Variants in ZNF618 observed in about 807,000 individuals in gnomAD.
ZNF618 encodes zinc finger protein 618.
In ZNF618, 34 loss-of-function variants were observed where a neutral mutation model predicts 103.0. That is an observed-to-expected ratio of 0.33 (90% CI 0.25 to 0.44). The LOEUF is 0.44. Ranked by LOEUF, ZNF618 falls within the 20% of genes least tolerant of loss-of-function variation. ZNF618 has a pLI of 1.00. For missense variants in ZNF618, 1,059 were observed against 1,295.4 expected, an observed-to-expected ratio of 0.82 and a Z score of 2.80; for synonymous variants, 551 against 542.2, an observed-to-expected ratio of 1.02 and a Z score of -0.23.
At chr9:113,922,807 C>T (rs1832766728) in intron 1 of ZNF618, among the ~76,000 whole-genome samples, 1 of 152,154 alleles carries the variant, frequency 6.6e-6, no homozygotes, top group Non-Finnish European at 1.5e-5. Flanking sequence ...TCAGTATATA[C>T]ACTTTAGAAT....
chr9:113,998,400 G>T (rs1840845625), intron 4 of ZNF618, 46 bp downstream of exon 4: 3 of 1,497,066 alleles, frequency 2.0e-6, no homozygotes, highest in African/African-American at 2.8e-5. Context: ...GCCAGTATGG[G>T]TGGGGGCACA....
intron 1 of ZNF618, among the ~76,000 whole-genome samples, chr9:113,877,260 A>G (rs755421204): frequency 5.3e-5 from 8 of 152,098 alleles, no homozygotes; most frequent in Non-Finnish European, 1.2e-4. Flanking sequence ...TTGGGTACCC[A>G]ACTCATTTTA....
intron 7 of ZNF618, among the ~76,000 whole-genome samples, chr9:114,008,011 A>G (rs978809854): frequency 1.3e-5 from 2 of 152,006 alleles, no homozygotes; most frequent in African/African-American, 2.4e-5. Flanking sequence ...TCTCCTCCCA[A>G]TCTCTTCCTC....
rs1839704723 is a variant in ZNF618, at chr9:113,988,476, G to A, written c.233G>A (p.Gly78Asp). 3.7e-6 allele frequency: 6 copies of A among 1,613,494 alleles called. No homozygotes were observed. In the Admixed American group the frequency reaches 1.0e-4, roughly 27 times the overall value. ...DDYIQEVIWQ[G>D]EAKEEKKAVS... is the part of the protein sequence containing the mutation. ...TACATCCAGGAGGTGATCTGGCAGG[G>A]CGAGGCCAAGGAGGAGAAGAAGGCG... The change falls in exon 3 of 15, where the codon GGC (glycine) becomes GAC (aspartate). Residue 78 changes from glycine to aspartate, a missense_variant. Physicochemically the swap from Gly to Asp is moderately conservative, Grantham distance 94. Transcript: ENST00000374126.
intron 9 of ZNF618, among the ~76,000 whole-genome samples, chr9:114,010,305 A>G (rs1842122612): frequency 6.7e-6 from 1 of 149,422 alleles, no homozygotes; most frequent in African/African-American, 2.4e-5. Flanking sequence ...CTGTCTCAAA[A>G]AAAAAAAAAA....
At chr9:114,016,050 G>T in intron 9 of ZNF618, 1 of 1,488,954 alleles carries the variant, frequency 6.7e-7, no homozygotes, top group South Asian at 1.2e-5. Context: ...ACAGATGATT[G>T]AAATTTCTCT....
At chr9:114,020,822 C>G (rs1020747737) in intron 10 of ZNF618, among the ~76,000 whole-genome samples, 1 of 151,892 alleles carries the variant, frequency 6.6e-6, no homozygotes, top group African/African-American at 2.4e-5. Context: ...TTAGGTCCCT[C>G]CAGTACAATG....
At chr9:113,877,696 T>C (rs947661385) in intron 1 of ZNF618, among the ~76,000 whole-genome samples, 4 of 152,066 alleles carry the variant, frequency 2.6e-5, no homozygotes, top group African/African-American at 9.7e-5. Flanking sequence ...ATTAAGACTG[T>C]TTTCTGATTT....
chr9:114,007,253 A>T, intron 6 of ZNF618, 97 bp from the exon 7 acceptor site: 1 of 953,900 alleles, frequency 1.0e-6, no homozygotes, highest in Non-Finnish European at 1.6e-6. Context: ...AGACTGGGCT[A>T]GTTTCATCTT....
intron 2 of ZNF618, among the ~76,000 whole-genome samples, chr9:113,987,282 G>T (rs545363514): frequency 6.6e-6 from 1 of 152,308 alleles, no homozygotes; most frequent in South Asian, 2.1e-4. Context: ...GGAGTGGATG[G>T]CAGGGACCTG....
chr9:113,906,503 C>G (rs1831004274), intron 1 of ZNF618, among the ~76,000 whole-genome samples: 1 of 152,086 alleles, frequency 6.6e-6, no homozygotes, highest in South Asian at 2.1e-4. Flanking sequence ...AGGAGGCTTC[C>G]TTTAGACTGC....
At chr9:113,953,776 A>G (rs1247753253) in intron 1 of ZNF618, among the ~76,000 whole-genome samples, 4 of 151,984 alleles carry the variant, frequency 2.6e-5, no homozygotes, top group South Asian at 4.2e-4. Flanking sequence ...ATGTAGACAC[A>G]CTCTCTGTGC....
chr9:113,934,425 C>T (rs1407513182), intron 1 of ZNF618, among the ~76,000 whole-genome samples: 1 of 152,152 alleles, frequency 6.6e-6, no homozygotes, highest in African/African-American at 2.4e-5. Flanking sequence ...GTGTAGATGA[C>T]AATTACACGA....
chr9:113,888,611 C>T (rs569802669), intron 1 of ZNF618, among the ~76,000 whole-genome samples: 4 of 152,242 alleles, frequency 2.6e-5, no homozygotes, highest in Non-Finnish European at 5.9e-5. Context: ...GCTCACTGCC[C>T]TGATGGGACA....
rs747387657 is a variant in ZNF618 at position 114,048,767 on chromosome 9, G to A, written c.1465G>A (p.Gly489Arg). The change falls in exon 15 of 15, where the codon GGG becomes AGG. Residue 489 changes from glycine to arginine, a missense_variant. Coordinates refer to ENST00000374126, the MANE Select transcript of ZNF618 (RefSeq NM_001318042.2). ...ADLGALSVVS[G>R]KEFLKLAQTL... ...CCTGGGTGCACTGAGCGTGGTCAGCGGGAAGGAGTTCCTGAAGTTGGCCCA... is the reference window on the plus strand; with the variant it reads ...CCTGGGTGCACTGAGCGTGGTCAGCAGGAAGGAGTTCCTGAAGTTGGCCCA... 1.2e-5 allele frequency: 19 copies of A among 1,613,896 alleles called. No individual in the cohort carries two copies. The Admixed American group carries it at 1.3e-4, about 11-fold the overall frequency.
At chr9:113,932,926 G>A (rs910444206) in intron 1 of ZNF618, among the ~76,000 whole-genome samples, 2 of 152,154 alleles carry the variant, frequency 1.3e-5, no homozygotes, top group African/African-American at 4.8e-5. Flanking sequence ...CATATAGATG[G>A]CATTTAATAG....
intron 1 of ZNF618, among the ~76,000 whole-genome samples, chr9:113,882,837 A>ACCAGACC: frequency 6.6e-6 from 1 of 152,242 alleles, no homozygotes; most frequent in Non-Finnish European, 1.5e-5. Context: ...TTCGTGAGAA[A>ACCAGACC]CCAGACCCTC....
chr9:113,946,904 T>G (rs1038923818), intron 1 of ZNF618, among the ~76,000 whole-genome samples: 5 of 152,216 alleles, frequency 3.3e-5, no homozygotes, highest in African/African-American at 1.2e-4. Flanking sequence ...TTGTTTCCAG[T>G]TGGGCTCACC....
At chr9:113,936,595 C>T (rs1218277885) in intron 1 of ZNF618, among the ~76,000 whole-genome samples, 1 of 152,150 alleles carries the variant, frequency 6.6e-6, no homozygotes, top group Admixed American at 6.5e-5. Flanking sequence ...GACCAAAGGT[C>T]CCCTCTGAAG....
Sources: gnomAD v4.1 joint callset for allele counts (sites outside exome capture counted in the v4.1 genomes callset) on GRCh38, gnomAD v4.1.1 for gene constraint, MANE v1.5 for transcripts, NCBI Gene and HGNC (gene_info 2026-07-23, HGNC 2026-07-21) for gene names.